CCDC178: variants seen among roughly 807,000 people sequenced by gnomAD.
CCDC178 encodes coiled-coil domain-containing protein 178.
A neutral mutation model predicts 117.4 loss-of-function variants in CCDC178; 126 were observed. The observed-to-expected ratio is 1.07, with a 90% confidence interval of 0.93 to 1.24. CCDC178 has a LOEUF of 1.24. CCDC178 is among the 50% of genes most tolerant of loss of function. The pLI is 0.00. For synonymous variants in CCDC178, 283 were observed against 313.4 expected (o/e 0.90, Z 1.02); for missense variants, 1,030 against 986.9 (o/e 1.04, Z -0.59).
At chr18:33,209,316 T>C (rs1181863424) in intron 20 of CCDC178, among the ~76,000 whole-genome samples, 1 of 152,014 alleles carries the variant, frequency 6.6e-6, no homozygotes, top group African/African-American at 2.4e-5. Flanking sequence ...GAAGTTTGTG[T>C]ATATTTTCTT....
intron 21 of CCDC178, among the ~76,000 whole-genome samples, chr18:33,031,240 GTT>G (rs199589045): frequency 1.2e-4 from 17 of 141,528 alleles, no homozygotes; most frequent in Middle Eastern, 3.5e-3. Flanking sequence ...TATTTTTGGA[GTT>G]TTTTTTTTTT....
At chr18:33,168,209 A>C (rs1222360681) in intron 20 of CCDC178, among the ~76,000 whole-genome samples, 2 of 151,952 alleles carry the variant, frequency 1.3e-5, no homozygotes, top group East Asian at 3.8e-4. Flanking sequence ...GGGTTTTTAT[A>C]GTTTTTGGTT....
At chr18:32,974,760 G>A (rs2054999170) in intron 21 of CCDC178, 79 bp from the exon 22 acceptor site, 13 of 1,418,032 alleles carry the variant, frequency 9.2e-6, no homozygotes, top group Non-Finnish European at 1.3e-5. Context: ...AAGAATGATG[G>A]AGGGAAATAT....
rs1169346758 is a variant in CCDC178, at chr18:33,440,633, C to T, written c.-143+20G>A. The T allele has an allele frequency of 6.6e-6, 1 of 152,102 alleles. No individual in the cohort carries two copies. Among genetic ancestry groups the T allele is most frequent in the African/African-American group, 2.4e-5 (1 of 41,410 alleles). 9.4% of individuals were successfully genotyped at this position (152,102 alleles called of 1,614,324 possible). ...CGAGGCACAAGCGCCCGCGCCGAGG[C>T]ACAAGCGCCCCCGACTCACCGGCTC... On this transcript the variant is annotated intron_variant, in intron 1 of 22. Transcript: ENST00000383096.
intron 15 of CCDC178, among the ~76,000 whole-genome samples, chr18:33,232,217 G>C (rs1362781933): frequency 6.6e-6 from 1 of 152,146 alleles, no homozygotes; most frequent in Non-Finnish European, 1.5e-5. Context: ...AAACCAGAAG[G>C]TGGCAGCAGA....
chr18:33,259,808 T>C (rs936509618), intron 14 of CCDC178, among the ~76,000 whole-genome samples: 7 of 152,154 alleles, frequency 4.6e-5, no homozygotes, highest in African/African-American at 2.4e-5. Flanking sequence ...TTTCCACATA[T>C]GTATTGTAAC....
chr18:33,013,021 T>C (rs376957950), intron 21 of CCDC178, among the ~76,000 whole-genome samples: 1 of 152,160 alleles, frequency 6.6e-6, no homozygotes, highest in African/African-American at 2.4e-5. Context: ...TGGAGGGAAA[T>C]TTGGCATAAT....
chr18:33,223,222 A>G lies in CCDC178; in HGVS notation c.1819-3T>C. On this transcript the variant is annotated splice_polypyrimidine_tract_variant and splice_region_variant and intron_variant, in intron 17 of 22. Transcript: ENST00000383096. ...TGATCAATTATATTATTAAGCATCTAGAAGACATTCAGATATTAAGATGTG... is the reference window on the plus strand; with the variant it reads ...TGATCAATTATATTATTAAGCATCTGGAAGACATTCAGATATTAAGATGTG... 1.3e-6 allele frequency: 2 copies of G among 1,591,650 alleles called. No individual in the cohort carries two copies. Among genetic ancestry groups the G allele is most frequent in the South Asian group, 2.3e-5 (2 of 87,492 alleles).
At chr18:33,029,354 T>C (rs1342127601) in intron 21 of CCDC178, among the ~76,000 whole-genome samples, 1 of 151,974 alleles carries the variant, frequency 6.6e-6, no homozygotes, top group African/African-American at 2.4e-5. Flanking sequence ...AAGTTGGTAA[T>C]AATATCACAT....
intron 11 of CCDC178, among the ~76,000 whole-genome samples, chr18:33,305,723 T>C (rs550437265): frequency 6.6e-6 from 1 of 152,258 alleles, no homozygotes; most frequent in South Asian, 2.1e-4. Flanking sequence ...TTTACCCTCT[T>C]CCCAGAAATA....
At chr18:33,040,015 A>G (rs773351011) in intron 21 of CCDC178, among the ~76,000 whole-genome samples, 3 of 152,010 alleles carry the variant, frequency 2.0e-5, no homozygotes, top group Non-Finnish European at 4.4e-5. Flanking sequence ...TAAGAAAAAA[A>G]ATACACTTTT....
In CCDC178 at chr18:33,348,880, A is replaced by G; in HGVS notation, c.457+10T>C. ...ATATACAGTTATTCAAGTAGGAGGA[A>G]CAACTTTACCTCTCTTTTCTCCTGG... On this transcript the variant is annotated intron_variant, in intron 8 of 22. Coordinates refer to ENST00000383096, the MANE Select transcript of CCDC178 (RefSeq NM_001105528.4). 1 of 1,579,484 alleles carries G rather than the reference A, an allele frequency of 6.3e-7. No homozygotes were observed. The highest frequency in any genetic ancestry group is 8.7e-7 in the Non-Finnish European group (1 of 1,150,420).
intron 20 of CCDC178, among the ~76,000 whole-genome samples, chr18:33,153,259 T>C (rs1308283245): frequency 6.6e-6 from 1 of 151,204 alleles, no homozygotes; most frequent in Non-Finnish European, 1.5e-5. Context: ...TATTTTACAG[T>C]AGCTGCCTTT....
chr18:33,165,711 T>C (rs1196075260), intron 20 of CCDC178, among the ~76,000 whole-genome samples: 1 of 152,196 alleles, frequency 6.6e-6, no homozygotes, highest in Non-Finnish European at 1.5e-5. Context: ...GTAAAAATGA[T>C]GTTTTATTTA....
At chr18:33,217,526 T>C (rs1175181074) in intron 18 of CCDC178, among the ~76,000 whole-genome samples, 1 of 151,974 alleles carries the variant, frequency 6.6e-6, no homozygotes, top group Non-Finnish European at 1.5e-5. Flanking sequence ...TTAAATATTT[T>C]TAGATTTTTT....
intron 15 of CCDC178, among the ~76,000 whole-genome samples, chr18:33,244,988 T>G (rs2059531062): frequency 1.3e-5 from 2 of 151,964 alleles, no homozygotes; most frequent in Non-Finnish European, 2.9e-5. Flanking sequence ...ACCACACTCC[T>G]GGTGCTCCAA....
At chr18:33,024,035 T>G (rs1302319116) in intron 21 of CCDC178, among the ~76,000 whole-genome samples, 7 of 152,124 alleles carry the variant, frequency 4.6e-5, no homozygotes, top group African/African-American at 1.4e-4. Context: ...ACTACAACAA[T>G]TCACACAATA....
chr18:32,976,929 C>T (rs1171297985), intron 21 of CCDC178, among the ~76,000 whole-genome samples: 2 of 152,056 alleles, frequency 1.3e-5, no homozygotes, highest in African/African-American at 2.4e-5. Context: ...ATGAAGAGGC[C>T]ATAATCTTAT....
intron 21 of CCDC178, among the ~76,000 whole-genome samples, chr18:33,019,616 A>G (rs906723948): frequency 1.3e-5 from 2 of 152,144 alleles, no homozygotes; most frequent in Admixed American, 6.5e-5. Context: ...ATACCATTAG[A>G]TGCTGTGAAA....
Sources: gnomAD v4.1 joint callset for allele counts (sites outside exome capture counted in the v4.1 genomes callset) on GRCh38, gnomAD v4.1.1 for gene constraint, MANE v1.5 for transcripts, NCBI Gene and HGNC (gene_info 2026-07-23, HGNC 2026-07-21) for gene names.